Variants in SGCD observed in about 807,000 individuals in gnomAD.
SGCD encodes the protein sarcoglycan delta.
Under a neutral mutation model 36.6 loss-of-function variants are expected in SGCD, and 18 were observed. The ratio of observed to expected loss-of-function variants is 0.49; its 90% CI spans 0.34 to 0.73. SGCD has a LOEUF of 0.73. Ranked by LOEUF, SGCD falls within the 30% of genes least tolerant of loss-of-function variation. The pLI, the probability that SGCD is intolerant of heterozygous loss-of-function variation, is 0.01. For synonymous variants in SGCD, 133 were observed against 130.6 expected (o/e 1.02, Z -0.12); for missense variants, 387 against 346.7 (o/e 1.12, Z -0.92).
chr5:156,622,462 TAATAATA>T (rs1269622484), intron 6 of SGCD, among the ~76,000 whole-genome samples: 1 of 144,502 alleles, frequency 6.9e-6, no homozygotes. Flanking sequence ...ATAATAATAA[TAATAATA>T]ATAATAATAA....
chr5:156,353,902 T>C (rs975515503), intron 3 of SGCD, among the ~76,000 whole-genome samples: 1 of 152,228 alleles, frequency 6.6e-6, no homozygotes, highest in African/African-American at 2.4e-5. Flanking sequence ...TGTGAGAATG[T>C]AAAGCATCAG....
intron 3 of SGCD, among the ~76,000 whole-genome samples, chr5:156,157,523 C>T (rs1022267438): frequency 7.2e-5 from 11 of 151,754 alleles, no homozygotes; most frequent in African/African-American, 2.7e-4. Context: ...CTTATTTCCA[C>T]TTTGCCATAA....
chr5:155,893,003 A>G (rs1756172807), intron 1 of SGCD, among the ~76,000 whole-genome samples: 1 of 152,204 alleles, frequency 6.6e-6, no homozygotes. Flanking sequence ...GTTGGCCACC[A>G]GGTACAAAGT....
At chr5:155,837,102 T>G in the SGCD span, among the ~76,000 whole-genome samples, 1 of 152,224 alleles carries the variant, frequency 6.6e-6, no homozygotes, top group African/African-American at 2.4e-5. Context: ...TCCTTAGCAA[T>G]GTGTAGTGAA....
At chr5:155,821,383 C>T in the SGCD span, among the ~76,000 whole-genome samples, 10,225 of 152,072 alleles carry the variant, frequency 0.067, 418 homozygotes, top group Middle Eastern at 0.14. Flanking sequence ...GCCCAATCTC[C>T]GCTCACTGCA....
chr5:156,061,082 A>T (rs928647804), intron 1 of SGCD, among the ~76,000 whole-genome samples: 1 of 146,086 alleles, frequency 6.8e-6, no homozygotes, highest in East Asian at 1.9e-4. Context: ...AATCTATTCA[A>T]GACTTTATCC....
chr5:155,931,446 C>T (rs1417721424), intron 1 of SGCD, among the ~76,000 whole-genome samples: 1 of 152,134 alleles, frequency 6.6e-6, no homozygotes, highest in Non-Finnish European at 1.5e-5. Context: ...TACACATACA[C>T]CCAAAATATT....
chr5:155,794,958 A>G, the SGCD span, among the ~76,000 whole-genome samples: 2 of 152,276 alleles, frequency 1.3e-5, no homozygotes, highest in South Asian at 4.1e-4. Context: ...CAAGAAAAAT[A>G]TGACTTATTT....
chr5:156,092,697 C>T (rs1380695642), intron 1 of SGCD, among the ~76,000 whole-genome samples: 1 of 152,154 alleles, frequency 6.6e-6, no homozygotes. Flanking sequence ...GTGCTTGTTC[C>T]AGCAGGACCT....
intron 4 of SGCD, among the ~76,000 whole-genome samples, chr5:156,519,082 TA>T (rs1378201255): frequency 1.3e-5 from 2 of 150,828 alleles, no homozygotes; most frequent in Non-Finnish European, 3.0e-5. Context: ...AAAAAAAAAT[TA>T]ATAAAATAGC....
At chr5:156,585,034 A>G (rs976730124) in intron 4 of SGCD, among the ~76,000 whole-genome samples, 18 of 152,210 alleles carry the variant, frequency 1.2e-4, no homozygotes, top group African/African-American at 4.3e-4. Flanking sequence ...TCTCAAAGAA[A>G]TCATTGAGAG....
At chr5:156,484,083 G>A (rs966368782) in intron 3 of SGCD, among the ~76,000 whole-genome samples, 1 of 152,142 alleles carries the variant, frequency 6.6e-6, no homozygotes, top group Non-Finnish European at 1.5e-5. Flanking sequence ...CACATGTCAA[G>A]CCTAGACCTA....
chr5:156,273,085 A>G (rs1320956017), intron 3 of SGCD, among the ~76,000 whole-genome samples: 1 of 152,184 alleles, frequency 6.6e-6, no homozygotes, highest in East Asian at 1.9e-4. Flanking sequence ...TGTGCATAGA[A>G]GAGAAACTAT....
chr5:156,247,503 G>A (rs80355308), intron 3 of SGCD, among the ~76,000 whole-genome samples: 2,318 of 152,246 alleles, frequency 0.015, 26 homozygotes, highest in Non-Finnish European at 0.025. Flanking sequence ...CATCATCTGA[G>A]AAAGAGACAG....
intron 1 of SGCD, among the ~76,000 whole-genome samples, chr5:155,975,993 T>C (rs1758106624): frequency 6.6e-6 from 1 of 152,164 alleles, no homozygotes. Context: ...AATGCTAAAA[T>C]CATTCTTTCA....
intron 3 of SGCD, among the ~76,000 whole-genome samples, chr5:156,349,485 CAT>C: frequency 6.6e-6 from 1 of 151,258 alleles, no homozygotes; most frequent in African/African-American, 2.4e-5. Flanking sequence ...GGCCAAGAAA[CAT>C]AAAAAAAGTA....
chr5:156,558,035 CA>C (rs1391463998), intron 4 of SGCD, among the ~76,000 whole-genome samples: 1 of 140,234 alleles, frequency 7.1e-6, no homozygotes, highest in Non-Finnish European at 1.5e-5. Context: ...AAAATGGGTT[CA>C]AAAATGTTGA....
chr5:156,679,894 AG>A (rs1416768895), intron 7 of SGCD, among the ~76,000 whole-genome samples: 2 of 152,194 alleles, frequency 1.3e-5, no homozygotes, highest in Non-Finnish European at 2.9e-5. Context: ...CTAATGCCTC[AG>A]GATTTTACCT....
the SGCD span, among the ~76,000 whole-genome samples, chr5:155,733,401 T>C: frequency 6.6e-6 from 1 of 152,222 alleles, no homozygotes; most frequent in Non-Finnish European, 1.5e-5. Context: ...GTACCAGACA[T>C]CTTGTCCAGC....
Sources: gnomAD v4.1 joint callset for allele counts (sites outside exome capture counted in the v4.1 genomes callset) on GRCh38, gnomAD v4.1.1 for gene constraint, MANE v1.5 for transcripts, NCBI Gene and HGNC (gene_info 2026-07-23, HGNC 2026-07-21) for gene names.